JADE1: variants seen among roughly 807,000 people sequenced by gnomAD.
JADE1 encodes the protein jade family PHD finger 1.
Under a neutral mutation model 81.8 loss-of-function variants are expected in JADE1, and 14 were observed. That is an observed-to-expected ratio of 0.17 (90% CI 0.11 to 0.27). The LOEUF is 0.27. Among genes scored for constraint, JADE1 ranks in the 10% least tolerant of loss-of-function variants. The pLI is 1.00. For missense variants in JADE1, 690 were observed against 1,047.9 expected (o/e 0.66, Z 4.71); for synonymous variants, 353 against 391.9 (o/e 0.90, Z 1.17).
At chr4:128,858,277 T>C (rs1730969606) in intron 8 of JADE1, among the ~76,000 whole-genome samples, 1 of 152,144 alleles carries the variant, frequency 6.6e-6, no homozygotes, top group Non-Finnish European at 1.5e-5. Context: ...AAGTTCGTTT[T>C]TAGGCCTCAC....
intron 1 of JADE1, among the ~76,000 whole-genome samples, chr4:128,818,982 A>G (rs1461498651): frequency 6.6e-6 from 1 of 151,620 alleles, no homozygotes; most frequent in Non-Finnish European, 1.5e-5. Context: ...GGCATCCCAC[A>G]CCAGGCCTGG....
intron 8 of JADE1, among the ~76,000 whole-genome samples, chr4:128,861,367 T>C (rs1190288620): frequency 2.0e-5 from 3 of 152,218 alleles, no homozygotes; most frequent in South Asian, 4.1e-4. Flanking sequence ...AAGAGGGCCC[T>C]TAAATTCCAA....
Position 128,810,567 on chromosome 4 carries a change from A to G in JADE1, c.-27+690A>G, listed in dbSNP as rs573975299. On this transcript the variant is annotated intron_variant, in intron 1 of 10. Transcript: ENST00000226319. ...AATGGCAGAACGCAGGTTCGCGTAC[A>G]TATATGAATCCAGAGTGTGTGAGAC... Among the ~76,000 whole-genome samples the G allele has an allele frequency of 1.7e-4, 26 of 151,314 alleles. No homozygotes were observed. The South Asian group carries it at 4.6e-3, about 27-fold the overall frequency.
chr4:128,853,364 T>G (rs1430265268), intron 6 of JADE1, among the ~76,000 whole-genome samples: 1 of 152,208 alleles, frequency 6.6e-6, no homozygotes, highest in Admixed American at 6.5e-5. Flanking sequence ...CCGTCATATT[T>G]GTGAGCATGT....
At chr4:128,835,754 C>T (rs1728927876) in intron 2 of JADE1, among the ~76,000 whole-genome samples, 1 of 152,238 alleles carries the variant, frequency 6.6e-6, no homozygotes, top group South Asian at 2.1e-4. Flanking sequence ...CAGACGTCAG[C>T]ATGGGGCTGC....
At position 128,873,256 on chromosome 4, in the gene JADE1, G is replaced by GAAAAAAAAAAAAAA. The variant is rs1296724284; in HGVS notation, c.*997_*1010dup. 25 of 28,520 alleles carry GAAAAAAAAAAAAAA rather than the reference G, an allele frequency of 8.8e-4. No individual in the cohort carries two copies. Among genetic ancestry groups the GAAAAAAAAAAAAAA allele is most frequent in the South Asian group, 1.4e-3 (1 of 714 alleles). The allele number at this position is 28,520 out of a possible 1,614,324, so 1.8% of individuals were successfully genotyped here. ...CATGAATGGATTCCTTAAGAAAAAG[G>GAAAAAAAAAAAAAA]AAAAAAAAAAAAAAAAGAAAAAAAG... is the stretch of plus-strand genomic sequence containing the variant. On this transcript the variant is annotated 3_prime_UTR_variant, in exon 11 of 11. Transcript: ENST00000226319.
intron 1 of JADE1, 154 bp from the exon 2 acceptor site, chr4:128,831,579 T>C (rs541168533): frequency 6.3e-6 from 4 of 631,182 alleles, no homozygotes; most frequent in East Asian, 2.7e-5. Context: ...CACCTAATTA[T>C]GTATCTTTGG....
chr4:128,818,770 G>T (rs1214734626), intron 1 of JADE1, among the ~76,000 whole-genome samples: 2 of 152,132 alleles, frequency 1.3e-5, no homozygotes, highest in African/African-American at 4.8e-5. Flanking sequence ...ATGTTCTTTG[G>T]CCCTCTACCC....
At chr4:128,853,241 G>A (rs533545355) in intron 6 of JADE1, among the ~76,000 whole-genome samples, 1 of 152,302 alleles carries the variant, frequency 6.6e-6, no homozygotes, top group South Asian at 2.1e-4. Context: ...ACTTCAGAGT[G>A]AGCTCATCTT....
chr4:128,815,167 T>C (rs1263919670), intron 1 of JADE1, among the ~76,000 whole-genome samples: 2 of 148,104 alleles, frequency 1.4e-5, no homozygotes, highest in Non-Finnish European at 2.9e-5. Flanking sequence ...CCCTGTAAGC[T>C]CCGCCTCCCT....
intron 1 of JADE1, among the ~76,000 whole-genome samples, chr4:128,821,197 C>T (rs1227594304): frequency 6.6e-6 from 1 of 152,144 alleles, no homozygotes; most frequent in Non-Finnish European, 1.5e-5. Context: ...TTTGTATATT[C>T]TGAAGAGATT....
At chr4:128,825,542 A>G (rs1727983819) in intron 1 of JADE1, among the ~76,000 whole-genome samples, 1 of 152,154 alleles carries the variant, frequency 6.6e-6, no homozygotes, top group Non-Finnish European at 1.5e-5. Context: ...AGTCAGAGGA[A>G]TGTAAATTTC....
rs749891209 is a variant in JADE1 at position 128,862,125 on chromosome 4, C to T, written c.1403C>T (p.Thr468Ile). Residue 468 changes from threonine (T) to isoleucine (I), a missense_variant, in exon 9 of 11, where the codon ACC (threonine) becomes ATC (isoleucine). Transcript: ENST00000226319. ...GTCAACTTCAACAAGCCCCTGATCACCCCAAAGAAAGATGAAGAGGACAAT... is the reference window on the plus strand; with the variant it reads ...GTCAACTTCAACAAGCCCCTGATCATCCCAAAGAAAGATGAAGAGGACAAT... ...RKVNFNKPLI[T>I]PKKDEEDNLA... 1 of 1,614,160 alleles carries T rather than the reference C, an allele frequency of 6.2e-7. No individual in the cohort carries two copies.
At chr4:128,854,997 C>G (rs1427473419) in intron 6 of JADE1, among the ~76,000 whole-genome samples, 1 of 152,092 alleles carries the variant, frequency 6.6e-6, no homozygotes, top group Non-Finnish European at 1.5e-5. Context: ...AGACGACATT[C>G]TTCCTGTGTA....
intron 9 of JADE1, chr4:128,863,535 C>T (rs1045542814): frequency 1.4e-5 from 14 of 985,254 alleles, no homozygotes; most frequent in Admixed American, 6.2e-5. Flanking sequence ...TTTTAATACA[C>T]GACTGAGTGC....
intron 2 of JADE1, 51 bp from the exon 3 acceptor site, chr4:128,842,902 A>G (rs1375254106): frequency 6.5e-7 from 1 of 1,527,950 alleles, no homozygotes; most frequent in South Asian, 1.1e-5. Context: ...GAGAACACTC[A>G]GTGACCCCTG....
At chr4:128,869,406 T>C (rs1452074756) in intron 10 of JADE1, among the ~76,000 whole-genome samples, 1 of 152,214 alleles carries the variant, frequency 6.6e-6, no homozygotes, top group Non-Finnish European at 1.5e-5. Context: ...GACTGTCTGG[T>C]GCAGATCACC....
Position 128,831,733 on chromosome 4 carries a change from G to A in JADE1, c.-26G>A, listed in dbSNP as rs1416487769. ...TAAGTGCTGTCTCATTGCTTTGCAG[G>A]CTGCCTGCTGTTTCCCGGGGAGATC... On this transcript the variant is annotated splice_region_variant and 5_prime_UTR_variant, in exon 2 of 11. Transcript: ENST00000226319. 3.1e-6 allele frequency: 5 copies of A among 1,614,012 alleles called. No individual in the cohort carries two copies. In the East Asian group the frequency reaches 1.1e-4, roughly 36 times the overall value.
chr4:128,815,277 A>AT (rs1726926736), intron 1 of JADE1, among the ~76,000 whole-genome samples: 1 of 151,348 alleles, frequency 6.6e-6, no homozygotes, highest in African/African-American at 2.4e-5. Flanking sequence ...ATTTTTTTGT[A>AT]TTTTTATTAA....
Sources: allele counts gnomAD v4.1 joint callset (sites outside exome capture counted in the v4.1 genomes callset), GRCh38; gene constraint gnomAD v4.1.1; transcripts MANE v1.5; gene names NCBI Gene and HGNC (gene_info 2026-07-23, HGNC 2026-07-21).